EYS: variants seen among roughly 807,000 people sequenced by gnomAD.
EYS encodes protein eyes shut homolog.
Under a neutral mutation model 282.1 loss-of-function variants are expected in EYS, and 250 were observed. The observed-to-expected ratio is 0.89, with a 90% CI of 0.80 to 0.98. The LOEUF is 0.98. Among genes scored for constraint, EYS ranks in the 50% least tolerant of loss-of-function variants. The pLI is 0.00. For missense variants in EYS, 4,016 were observed against 3,709.0 expected (o/e 1.08, Z -2.15); for synonymous variants, 1,355 against 1,282.9 (o/e 1.06, Z -1.20).
chr6:64,747,641 G>C (rs1377873019), intron 22 of EYS, among the ~76,000 whole-genome samples: 1 of 152,140 alleles, frequency 6.6e-6, no homozygotes, highest in Non-Finnish European at 1.5e-5. Context: ...GGCTCCCAAA[G>C]TGCTGTGATT....
At chr6:64,177,238 C>T (rs1764663947) in intron 31 of EYS, among the ~76,000 whole-genome samples, 1 of 151,008 alleles carries the variant, frequency 6.6e-6, no homozygotes, top group Non-Finnish European at 1.5e-5. Flanking sequence ...CCATTTTTTT[C>T]TCCTTTTTCT....
chr6:65,559,695 C>T (rs959255664), intron 2 of EYS, among the ~76,000 whole-genome samples: 2 of 152,046 alleles, frequency 1.3e-5, no homozygotes, highest in African/African-American at 4.8e-5. Flanking sequence ...GAATAATTAT[C>T]ATTTAAATAC....
chr6:64,296,474 G>T (rs1274704377), intron 30 of EYS, among the ~76,000 whole-genome samples: 2 of 146,934 alleles, frequency 1.4e-5, no homozygotes, highest in East Asian at 4.3e-4. Context: ...ATTAATAAAG[G>T]AAATAAGGCA....
At chr6:64,096,947 T>G (rs1415341386) in intron 31 of EYS, among the ~76,000 whole-genome samples, 1 of 152,248 alleles carries the variant, frequency 6.6e-6, no homozygotes, top group Admixed American at 6.5e-5. Flanking sequence ...ATGTCCTTTC[T>G]GTTTGATAGT....
chr6:65,577,554 A>G (rs1046571386), intron 2 of EYS, among the ~76,000 whole-genome samples: 30 of 152,008 alleles, frequency 2.0e-4, no homozygotes, highest in Admixed American at 8.5e-4. Context: ...GACACAGACA[A>G]CAAATCAAAA....
intron 26 of EYS, among the ~76,000 whole-genome samples, chr6:64,524,132 T>G (rs1431619669): frequency 6.6e-6 from 1 of 151,734 alleles, no homozygotes; most frequent in Non-Finnish European, 1.5e-5. Context: ...ATAACTTATC[T>G]TCTTTCAATT....
chr6:64,991,807 A>G (rs1270245050), intron 14 of EYS, among the ~76,000 whole-genome samples: 2 of 151,760 alleles, frequency 1.3e-5, no homozygotes, highest in Non-Finnish European at 3.0e-5. Flanking sequence ...TTAAAAACAG[A>G]GAGGATGAAT....
At chr6:64,658,803 C>T (rs1768867504) in intron 22 of EYS, among the ~76,000 whole-genome samples, 1 of 152,226 alleles carries the variant, frequency 6.6e-6, no homozygotes, top group East Asian at 1.9e-4. Flanking sequence ...TGGGGGTCAC[C>T]CCACTGTCAA....
At chr6:64,439,701 TA>T (rs1274687997) in intron 26 of EYS, among the ~76,000 whole-genome samples, 2 of 151,884 alleles carry the variant, frequency 1.3e-5, no homozygotes, top group Non-Finnish European at 2.9e-5. Flanking sequence ...AAATTATGAT[TA>T]ATATTGTTAA....
intron 8 of EYS, among the ~76,000 whole-genome samples, chr6:65,362,314 C>A (rs752686969): frequency 2.0e-5 from 3 of 151,920 alleles, no homozygotes; most frequent in Non-Finnish European, 2.9e-5. Flanking sequence ...AAAATGAACA[C>A]AAATAAACAA....
chr6:64,944,744 G>C (rs1012164120), intron 15 of EYS, among the ~76,000 whole-genome samples: 1 of 152,022 alleles, frequency 6.6e-6, no homozygotes, highest in African/African-American at 2.4e-5. Context: ...TGAATGTCTC[G>C]GTATAAAACC....
In EYS at chr6:65,444,052, G is replaced by A. The variant is rs1485119172; in HGVS notation, c.863-38685C>T. Among the ~76,000 whole-genome samples the A allele has an allele frequency of 2.0e-5, 3 of 151,838 alleles. No individual in the cohort carries two copies. In the East Asian group the frequency reaches 5.8e-4, roughly 29 times the overall value. ...GGTTAAAAGTAAGGTCCCTGTGTCT[G>A]TGTCTGAAATCTAAAGACTGCAGTT... On this transcript the variant is annotated intron_variant, in intron 5 of 42. Transcript: ENST00000503581.
chr6:64,324,044 AC>A (rs1770316369), intron 29 of EYS, among the ~76,000 whole-genome samples: 1 of 152,118 alleles, frequency 6.6e-6, no homozygotes, highest in Admixed American at 6.6e-5. Context: ...CATCACCCTA[AC>A]TTTTGACAGC....
intron 13 of EYS, among the ~76,000 whole-genome samples, chr6:65,043,941 T>C (rs1773020103): frequency 6.6e-6 from 1 of 151,620 alleles, no homozygotes; most frequent in African/African-American, 2.4e-5. Context: ...TATTTTTTAG[T>C]TTTTTGAGGA....
At chr6:65,137,295 G>C (rs76970354) in intron 12 of EYS, among the ~76,000 whole-genome samples, 4 of 152,114 alleles carry the variant, frequency 2.6e-5, no homozygotes, top group Non-Finnish European at 5.9e-5. Flanking sequence ...AGCAGGATCA[G>C]AGAAGAAGCA....
intron 14 of EYS, among the ~76,000 whole-genome samples, chr6:64,960,595 G>A (rs958713552): frequency 6.6e-6 from 1 of 152,196 alleles, no homozygotes; most frequent in Non-Finnish European, 1.5e-5. Context: ...AATCTTTGAT[G>A]TCACAAAATA....
rs1259686626 is a variant in EYS at position 64,392,027 on chromosome 6, G to A, written c.5928-3187C>T. 5.3e-5 allele frequency among the ~76,000 whole-genome samples: 8 copies of A among 151,930 alleles called. No individual in the cohort carries two copies. In the East Asian group the frequency reaches 1.4e-3, roughly 26 times the overall value. On this transcript the variant is annotated intron_variant, in intron 28 of 42. Coordinates refer to ENST00000503581, the MANE Select transcript of EYS (RefSeq NM_001142800.2). ...ACCAACAAACATCAAAAGAGACAAAGAAGGCCATTACATAATGGTAAAGGG... is the reference window on the plus strand; with the variant it reads ...ACCAACAAACATCAAAAGAGACAAAAAAGGCCATTACATAATGGTAAAGGG...
chr6:63,753,126 GTA>G (rs1297454762), intron 41 of EYS, among the ~76,000 whole-genome samples: 4 of 106,082 alleles, frequency 3.8e-5, no homozygotes, highest in South Asian at 3.2e-4. Context: ...ATATGTGTGT[GTA>G]TGTGTGTGTG....
chr6:64,763,813 T>TGAAAGG (rs1449375430), intron 22 of EYS, among the ~76,000 whole-genome samples: 3 of 151,950 alleles, frequency 2.0e-5, no homozygotes, highest in African/African-American at 7.3e-5. Flanking sequence ...CCTCCCAATC[T>TGAAAGG]GAAAGGGAGA....
Sources: gnomAD v4.1 joint callset for allele counts (sites outside exome capture counted in the v4.1 genomes callset) on GRCh38, gnomAD v4.1.1 for gene constraint, MANE v1.5 for transcripts, NCBI Gene and HGNC (gene_info 2026-07-23, HGNC 2026-07-21) for gene names.